Variants in CTNNA1 observed in about 807,000 individuals in gnomAD.
CTNNA1 encodes catenin alpha-1.
A neutral mutation model predicts 98.4 loss-of-function variants in CTNNA1; 37 were observed. The observed-to-expected ratio is 0.38, with a 90% CI of 0.29 to 0.49. The LOEUF (loss-of-function observed/expected upper bound fraction) is 0.49, where lower values mean the gene tolerates loss of function less well. Among genes scored for constraint, CTNNA1 ranks in the 20% least tolerant of loss-of-function variants. The pLI, the probability that CTNNA1 is intolerant of heterozygous loss-of-function variation, is 0.95. For synonymous variants in CTNNA1, 404 were observed against 413.2 expected, an observed-to-expected ratio of 0.98 and a Z score of 0.27; for missense variants, 761 against 1,147.2, an observed-to-expected ratio of 0.66 and a Z score of 4.86.
At chr5:138,830,456 A>G (rs1244502347) in intron 7 of CTNNA1, among the ~76,000 whole-genome samples, 1 of 152,242 alleles carries the variant, frequency 6.6e-6, no homozygotes, top group East Asian at 1.9e-4. Flanking sequence ...AAAGGTAAAA[A>G]TCTTTAGTTT....
intron 3 of CTNNA1, among the ~76,000 whole-genome samples, chr5:138,794,869 A>G (rs1425499132): frequency 6.6e-6 from 1 of 152,156 alleles, no homozygotes; most frequent in Non-Finnish European, 1.5e-5. Context: ...TAACAGATGA[A>G]AATAGTTATC....
chr5:138,907,100 C>T lies in CTNNA1; in HGVS notation c.1389+2659C>T, dbSNP rs554839746. On this transcript the variant is annotated intron_variant, in intron 10 of 17. Transcript: ENST00000302763. The stretch of plus-strand genomic sequence containing the variant: ...GCAGTAGCATGATCTCTGCTCACTG[C>T]AGCCTCTGCCTCCCAGGTTCAAGTG... Among the ~76,000 whole-genome samples the T allele has an allele frequency of 4.6e-5, 7 of 152,334 alleles. No homozygotes were observed. The South Asian group carries it at 1.0e-3, about 23-fold the overall frequency.
intron 7 of CTNNA1, among the ~76,000 whole-genome samples, chr5:138,849,205 A>G (rs539675577): frequency 6.6e-6 from 1 of 152,214 alleles, no homozygotes; most frequent in Admixed American, 6.5e-5. Flanking sequence ...GTTTATTTGA[A>G]TACTGTAACT....
chr5:138,849,839 C>A (rs750908335), intron 7 of CTNNA1, among the ~76,000 whole-genome samples: 1 of 150,066 alleles, frequency 6.7e-6, no homozygotes, highest in Non-Finnish European at 1.5e-5. Flanking sequence ...TTTTTTAATT[C>A]TTAAAATAGG....
At chr5:138,824,854 CAG>C (rs1760481104) in intron 6 of CTNNA1, 55 bp downstream of exon 6, 5 of 1,545,572 alleles carry the variant, frequency 3.2e-6, no homozygotes, top group Non-Finnish European at 4.4e-6. Context: ...CAAAAGATAA[CAG>C]ATTTCTGGGG....
At chr5:138,918,899 T>C (rs948543723) in intron 11 of CTNNA1, among the ~76,000 whole-genome samples, 2 of 152,160 alleles carry the variant, frequency 1.3e-5, no homozygotes, top group African/African-American at 4.8e-5. Flanking sequence ...GAAGCGGGGC[T>C]TAAGTACATG....
At chr5:138,856,008 G>A (rs1469787612) in intron 7 of CTNNA1, among the ~76,000 whole-genome samples, 1 of 152,168 alleles carries the variant, frequency 6.6e-6, no homozygotes, top group Admixed American at 6.5e-5. Flanking sequence ...TTAATTTTGG[G>A]TAGAGAATGA....
At chr5:138,780,716 T>G (rs1398857690) in intron 1 of CTNNA1, among the ~76,000 whole-genome samples, 1 of 151,586 alleles carries the variant, frequency 6.6e-6, no homozygotes, top group East Asian at 1.9e-4. Flanking sequence ...GGGTTTATCC[T>G]TGTTGGTCAG....
intron 3 of CTNNA1, among the ~76,000 whole-genome samples, chr5:138,798,942 T>C (rs1452281010): frequency 6.6e-6 from 1 of 152,156 alleles, no homozygotes; most frequent in Non-Finnish European, 1.5e-5. Flanking sequence ...ACTTTTGATA[T>C]CTTATAAATT....
In CTNNA1 at chr5:138,874,072, A is replaced by T; in HGVS notation, c.1063-12140A>T. ...TAGTCCGCAGGGAGTTGGAACGTAA[A>T]TGCAAGGTCTGCAGCTTCCGAAGGC... On this transcript the variant is annotated intron_variant, in intron 7 of 17. Transcript: ENST00000302763. This position sits in a 1 kb window ranked among gnomAD's most constrained non-coding sequence, Gnocchi z 4.1. 6.2e-7 allele frequency: 1 copy of T among 1,613,938 alleles called. No individual in the cohort carries two copies. The highest frequency in any genetic ancestry group is 8.5e-7 in the Non-Finnish European group (1 of 1,179,862).
At chr5:138,932,530 G>T in intron 16 of CTNNA1, 48 bp from the exon 17 acceptor site, 1 of 1,605,044 alleles carries the variant, frequency 6.2e-7, no homozygotes, top group Non-Finnish European at 8.5e-7. Flanking sequence ...GGTCGGGGGT[G>T]CTTGGGCCAG....
At chr5:138,896,755 C>T (rs1756902684) in intron 9 of CTNNA1, among the ~76,000 whole-genome samples, 2 of 152,152 alleles carry the variant, frequency 1.3e-5, no homozygotes, top group Non-Finnish European at 2.9e-5. Context: ...ACCTTTTATA[C>T]TCACCCCTTT....
At chr5:138,816,030 T>A (rs1759397113) in intron 5 of CTNNA1, among the ~76,000 whole-genome samples, 1 of 152,230 alleles carries the variant, frequency 6.6e-6, no homozygotes, top group South Asian at 2.1e-4. Context: ...CCTATTTAAC[T>A]GTATATTTGT....
intron 6 of CTNNA1, 57 bp downstream of exon 6, chr5:138,824,856 G>T: frequency 1.3e-6 from 2 of 1,529,142 alleles, no homozygotes; most frequent in African/African-American, 1.4e-5. Context: ...AAAGATAACA[G>T]ATTTCTGGGG....
At chr5:138,901,826 C>T (rs1261055288) in intron 9 of CTNNA1, among the ~76,000 whole-genome samples, 1 of 152,234 alleles carries the variant, frequency 6.6e-6, no homozygotes, top group South Asian at 2.1e-4. Flanking sequence ...TCCTCGCCCT[C>T]TCCTTTCACT....
At chr5:138,881,815 A>G (rs889856392) in intron 7 of CTNNA1, among the ~76,000 whole-genome samples, 13 of 152,148 alleles carry the variant, frequency 8.5e-5, no homozygotes, top group African/African-American at 3.1e-4. Context: ...ATCTAACTAG[A>G]TCTTCCTGTT....
chr5:138,785,313 G>A (rs536364478), intron 3 of CTNNA1, among the ~76,000 whole-genome samples: 413 of 151,838 alleles, frequency 2.7e-3, no homozygotes, highest in African/African-American at 7.1e-3. Flanking sequence ...CGCCCGCCTC[G>A]GCCTCCCAAA....
At chr5:138,861,412 G>A (rs1764267982) in intron 7 of CTNNA1, among the ~76,000 whole-genome samples, 1 of 151,926 alleles carries the variant, frequency 6.6e-6, no homozygotes, top group Non-Finnish European at 1.5e-5. Flanking sequence ...TTTTCTATTT[G>A]GATCAAAAAC....
intron 5 of CTNNA1, among the ~76,000 whole-genome samples, chr5:138,814,479 G>C (rs1298697269): frequency 6.6e-6 from 1 of 152,138 alleles, no homozygotes; most frequent in Admixed American, 6.6e-5. Flanking sequence ...AGAAGAACTT[G>C]TTTAATAGAA....
Sources: gnomAD v4.1 joint callset for allele counts (sites outside exome capture counted in the v4.1 genomes callset) on GRCh38, gnomAD v4.1.1 for gene constraint, Gnocchi (gnomAD v3.1) non-coding constraint, MANE v1.5 for transcripts, NCBI Gene and HGNC (gene_info 2026-07-23, HGNC 2026-07-21) for gene names.